The following PTPRG variants were observed in gnomAD, a reference collection of about 807,000 sequenced individuals.
PTPRG encodes receptor-type tyrosine-protein phosphatase gamma.
Under a neutral mutation model 165.3 loss-of-function variants are expected in PTPRG, and 102 were observed. That is an observed-to-expected ratio of 0.62 (90% CI 0.53 to 0.73). PTPRG has a LOEUF of 0.73. Among genes scored for constraint, PTPRG ranks in the 30% least tolerant of loss-of-function variants. The pLI is 0.00. For missense variants in PTPRG, 1,866 were observed against 1,861.4 expected (o/e 1.00, Z -0.05); for synonymous variants, 675 against 669.5 (o/e 1.01, Z -0.13).
At chr3:61,993,140 G>A (rs546202590) in intron 3 of PTPRG, among the ~76,000 whole-genome samples, 34 of 151,854 alleles carry the variant, frequency 2.2e-4, no homozygotes, top group African/African-American at 8.0e-4. Context: ...AATATTGATA[G>A]GTAACCTATT....
intron 1 of PTPRG, among the ~76,000 whole-genome samples, chr3:61,589,648 G>GTA (rs1700519301): frequency 6.6e-6 from 1 of 152,142 alleles, no homozygotes; most frequent in Non-Finnish European, 1.5e-5. Context: ...GTCAGTATGC[G>GTA]TAGCTCAGGC....
At chr3:61,691,161 C>G (rs935740034) in intron 1 of PTPRG, among the ~76,000 whole-genome samples, 1 of 152,000 alleles carries the variant, frequency 6.6e-6, no homozygotes, top group African/African-American at 2.4e-5. Flanking sequence ...GCCTTTAGTC[C>G]CAGCACTTTG....
chr3:61,592,028 A>G (rs1187300910), intron 1 of PTPRG, among the ~76,000 whole-genome samples: 1 of 151,400 alleles, frequency 6.6e-6, no homozygotes, highest in Non-Finnish European at 1.5e-5. Context: ...GGCTGGAGTC[A>G]ACGGCATGAT....
chr3:61,605,454 C>T lies in PTPRG; in HGVS notation c.85+43082C>T, dbSNP rs977582338. Among the ~76,000 whole-genome samples the T allele has an allele frequency of 3.3e-5, 5 of 151,482 alleles. No individual in the cohort carries two copies. In the East Asian group the frequency reaches 9.7e-4, roughly 29 times the overall value. ...TGTTTTTAATAGAGACGGGGTTTTG[C>T]CATGTTGACTGGGCTGGTCTCAAAC... On this transcript the variant is annotated intron_variant, in intron 1 of 29. Transcript: ENST00000474889.
chr3:61,871,744 G>A (rs1236195729), intron 2 of PTPRG, among the ~76,000 whole-genome samples: 2 of 152,190 alleles, frequency 1.3e-5, no homozygotes, highest in Admixed American at 6.5e-5. Context: ...AGCTTTGGTA[G>A]TCAGGGAAGC....
chr3:62,159,647 A>C (rs751551148), intron 7 of PTPRG, among the ~76,000 whole-genome samples: 90 of 151,902 alleles, frequency 5.9e-4, no homozygotes, highest in Non-Finnish European at 1.1e-3. Context: ...AGAAGAAATA[A>C]TGTAAGATTT....
rs753382729 is a variant in PTPRG at position 62,203,912 on chromosome 3, G to A, written c.2117G>A (p.Arg706Gln). Residue 706 changes from arginine to glutamine, a missense_variant, in exon 12 of 30, where the codon CGA becomes CAA. Arg to Gln is a conservative substitution (Grantham distance 43, BLOSUM62 1). This residue lies in a region of PTPRG where 1,452 missense variants were observed against 1,463.0 expected (regional missense o/e 0.99). Transcript: ENST00000474889. This position sits in a 1 kb window ranked among gnomAD's most constrained non-coding sequence, Gnocchi z 6.4. ...AAAAAGCCTATGTCCCGCGGGGACC[G>A]ATTTTCTGAAGACAGCAGATTTATC... ...PSKKPMSRGD[R>Q]FSEDSRFITV... The A allele has an allele frequency of 2.5e-5, 40 of 1,597,378 alleles. No homozygotes were observed. In the South Asian group the frequency reaches 4.0e-4, roughly 16 times the overall value.
chr3:61,716,619 T>C (rs2031819273), intron 1 of PTPRG, among the ~76,000 whole-genome samples: 1 of 152,230 alleles, frequency 6.6e-6, no homozygotes. Context: ...CACAGCATTT[T>C]AGGGCTAAAA....
chr3:62,259,891 T>C lies in PTPRG; in HGVS notation c.2560-2907T>C, dbSNP rs1334274832. On this transcript the variant is annotated intron_variant, in intron 16 of 29. Coordinates refer to ENST00000474889, the MANE Select transcript of PTPRG (RefSeq NM_002841.4). ...CTTTTCAAAGGGTATGGAGTTAATATTGTCTGGGATTGGGAAGGGTGGGGA... is the reference window on the plus strand; with the variant it reads ...CTTTTCAAAGGGTATGGAGTTAATACTGTCTGGGATTGGGAAGGGTGGGGA... 2.0e-5 allele frequency among the ~76,000 whole-genome samples: 3 copies of C among 152,186 alleles called. No homozygotes were observed. In the Middle Eastern group the frequency reaches 0.01, roughly 518 times the overall value.
At chr3:61,760,994 C>G (rs1469149165) in intron 2 of PTPRG, among the ~76,000 whole-genome samples, 8 of 152,140 alleles carry the variant, frequency 5.3e-5, no homozygotes, top group Admixed American at 5.2e-4. Flanking sequence ...TTTCTTTAGT[C>G]TATCATTGAT....
At chr3:61,992,452 C>T (rs1162510220) in intron 3 of PTPRG, among the ~76,000 whole-genome samples, 3 of 152,134 alleles carry the variant, frequency 2.0e-5, no homozygotes, top group Non-Finnish European at 4.4e-5. Context: ...CTCTGCCTCC[C>T]GGGTTCAAGC....
At chr3:61,989,153 C>T (rs2040828076) in intron 2 of PTPRG, among the ~76,000 whole-genome samples, 1 of 152,146 alleles carries the variant, frequency 6.6e-6, no homozygotes, top group African/African-American at 2.4e-5. Flanking sequence ...TGTAATGCCT[C>T]TCATCTAGTT....
At chr3:62,154,779 T>C (rs577103421) in intron 6 of PTPRG, among the ~76,000 whole-genome samples, 1 of 152,304 alleles carries the variant, frequency 6.6e-6, no homozygotes, top group African/African-American at 2.4e-5. Context: ...CCATTCGGCC[T>C]GGATCCCTTG....
intron 6 of PTPRG, 65 bp from the exon 7 acceptor site, chr3:62,157,000 CTG>C: frequency 7.1e-7 from 1 of 1,416,480 alleles, no homozygotes; most frequent in Non-Finnish European, 9.9e-7. Flanking sequence ...AGGGTGTTGA[CTG>C]TGTCTGCGGC....
At chr3:61,804,930 G>GT (rs1270571526) in intron 2 of PTPRG, among the ~76,000 whole-genome samples, 6 of 152,088 alleles carry the variant, frequency 3.9e-5, no homozygotes, top group Non-Finnish European at 5.9e-5. Flanking sequence ...TTGAGTTTTA[G>GT]TTTTATGATA....
At chr3:61,819,909 A>G (rs2035902163) in intron 2 of PTPRG, among the ~76,000 whole-genome samples, 1 of 152,166 alleles carries the variant, frequency 6.6e-6, no homozygotes, top group African/African-American at 2.4e-5. Flanking sequence ...AATGGAAAAC[A>G]TTATAACTAG....
rs968489028 is a variant in PTPRG, at chr3:62,168,054, A to G, written c.924A>G (p.Pro308=). ...SVEYLRNNFR[P]QQRLHDRVVS... ...AGTATCTGAGAAATAACTTTCGACC[A>G]CAGCAGCGTCTGCATGACAGGGTGG... Residue 308 remains proline, a synonymous_variant, in exon 8 of 30, where the codon CCA becomes CCG. Coordinates refer to ENST00000474889, the MANE Select transcript of PTPRG (RefSeq NM_002841.4). The G allele has an allele frequency of 1.2e-6, 2 of 1,613,860 alleles. No individual in the cohort carries two copies. Among genetic ancestry groups the G allele is most frequent in the Non-Finnish European group, 1.7e-6 (2 of 1,179,928 alleles).
At chr3:61,981,224 C>T (rs912970131) in intron 2 of PTPRG, among the ~76,000 whole-genome samples, 1 of 152,104 alleles carries the variant, frequency 6.6e-6, no homozygotes, top group African/African-American at 2.4e-5. Context: ...TGGGGGAAAC[C>T]GCCCATATGA....
rs899088691 is a variant in PTPRG at position 61,690,992 on chromosome 3, C to A, written c.86-57886C>A. On this transcript the variant is annotated intron_variant, in intron 1 of 29. Coordinates refer to ENST00000474889, the MANE Select transcript of PTPRG (RefSeq NM_002841.4). The stretch of plus-strand genomic sequence containing the variant: ...TGTTTTTACATAGACAAAATAAAAC[C>A]ACAGAATCCTTCAATAGAGGAAATA... Among the ~76,000 whole-genome samples the A allele has an allele frequency of 3.9e-5, 6 of 152,094 alleles. No individual in the cohort carries two copies. In the South Asian group the frequency reaches 1.2e-3, roughly 32 times the overall value.
Sources: gnomAD v4.1 joint callset for allele counts (sites outside exome capture counted in the v4.1 genomes callset) on GRCh38, gnomAD v4.1.1 for gene constraint, gnomAD v4.1.1 regional missense constraint, Gnocchi (gnomAD v3.1) non-coding constraint, MANE v1.5 for transcripts, NCBI Gene and HGNC (gene_info 2026-07-23, HGNC 2026-07-21) for gene names.